Variants in ZSWIM6 observed in about 807,000 individuals in gnomAD.
ZSWIM6 encodes the protein zinc finger SWIM domain-containing protein 6.
Under a neutral mutation model 113.2 loss-of-function variants are expected in ZSWIM6, and 9 were observed. That is an observed-to-expected ratio of 0.08 (90% confidence interval 0.05 to 0.14). ZSWIM6 has a LOEUF of 0.14. Among genes scored for constraint, ZSWIM6 ranks in the 10% least tolerant of loss-of-function variants. The pLI, the probability that ZSWIM6 is intolerant of heterozygous loss-of-function variation, is 1.00. For missense variants in ZSWIM6, 1,162 were observed against 1,552.2 expected (o/e 0.75, Z 4.22); for synonymous variants, 611 against 606.5 (o/e 1.01, Z -0.11).
intron 1 of ZSWIM6, among the ~76,000 whole-genome samples, chr5:61,355,954 C>T (rs1744898392): frequency 6.6e-6 from 1 of 152,092 alleles, no homozygotes. Context: ...TCTCTAGGCC[C>T]TTTGGTCTCA....
At chr5:61,410,498 T>C (rs183309034) in intron 1 of ZSWIM6, among the ~76,000 whole-genome samples, 8 of 151,792 alleles carry the variant, frequency 5.3e-5, no homozygotes, top group Admixed American at 3.3e-4. Context: ...TTAGTAGAGA[T>C]GGGGTTTCAC....
chr5:61,500,811 A>G (rs1331988459), intron 4 of ZSWIM6, among the ~76,000 whole-genome samples: 1 of 152,048 alleles, frequency 6.6e-6, no homozygotes, highest in Admixed American at 6.6e-5. Flanking sequence ...TTTGTATCCC[A>G]TTTTCAGGTC....
chr5:61,386,908 C>T (rs560666755), intron 1 of ZSWIM6, among the ~76,000 whole-genome samples: 1 of 152,334 alleles, frequency 6.6e-6, no homozygotes, highest in African/African-American at 2.4e-5. Context: ...TCTTTATCCA[C>T]GTGCTCCTGC....
chr5:61,505,600 TACC>T (rs1748580338), intron 4 of ZSWIM6, among the ~76,000 whole-genome samples: 1 of 101,914 alleles, frequency 9.8e-6, no homozygotes, highest in African/African-American at 3.9e-5. Flanking sequence ...ATCTATGATT[TACC>T]TTCCTTCCTT....
At position 61,519,949 on chromosome 5, in the gene ZSWIM6, A is replaced by G. The variant is rs530338599; in HGVS notation, c.1334-1314A>G. On this transcript the variant is annotated intron_variant, in intron 4 of 13. Coordinates refer to ENST00000252744, the MANE Select transcript of ZSWIM6 (RefSeq NM_020928.2). Reference sequence around the variant, plus strand: ...ATTTCACAATAGTATTTGTGTTCCTATGAGAATCTAATGCCACCGCTGATC... The same window carrying G: ...ATTTCACAATAGTATTTGTGTTCCTGTGAGAATCTAATGCCACCGCTGATC... 9.9e-5 allele frequency among the ~76,000 whole-genome samples: 15 copies of G among 152,196 alleles called. 1 individual carries two copies. The highest frequency in any genetic ancestry group is 3.9e-4 in the Admixed American group (6 of 15,274).
chr5:61,357,144 A>G (rs1744931999), intron 1 of ZSWIM6, among the ~76,000 whole-genome samples: 1 of 152,122 alleles, frequency 6.6e-6, no homozygotes, highest in African/African-American at 2.4e-5. Context: ...ATTCCAGGTG[A>G]TTCTGATACG....
intron 4 of ZSWIM6, among the ~76,000 whole-genome samples, chr5:61,499,511 G>A (rs1168539979): frequency 6.6e-6 from 1 of 152,180 alleles, no homozygotes; most frequent in African/African-American, 2.4e-5. Context: ...AGCCAAGAAT[G>A]GATGAAGGAG....
intron 2 of ZSWIM6, among the ~76,000 whole-genome samples, chr5:61,477,301 G>A (rs977492925): frequency 9.9e-5 from 15 of 152,160 alleles, no homozygotes; most frequent in African/African-American, 4.8e-5. Flanking sequence ...CCTGAAAGTA[G>A]CCTAGACTTA....
intron 1 of ZSWIM6, among the ~76,000 whole-genome samples, chr5:61,382,579 G>C (rs1745507099): frequency 6.6e-6 from 1 of 152,132 alleles, no homozygotes; most frequent in African/African-American, 2.4e-5. Context: ...TGAGGCAGGT[G>C]GACCACCTGA....
intron 1 of ZSWIM6, among the ~76,000 whole-genome samples, chr5:61,362,258 G>T (rs894531925): frequency 1.3e-5 from 2 of 151,680 alleles, no homozygotes; most frequent in Non-Finnish European, 2.9e-5. Flanking sequence ...GAATGCAATG[G>T]CCCCATCTTG....
At chr5:61,382,689 C>T (rs1041175095) in intron 1 of ZSWIM6, among the ~76,000 whole-genome samples, 10 of 152,034 alleles carry the variant, frequency 6.6e-5, no homozygotes, top group African/African-American at 2.4e-4. Context: ...CTGGTAGTCC[C>T]AGCTACTCGG....
intron 1 of ZSWIM6, among the ~76,000 whole-genome samples, chr5:61,333,519 C>T (rs774757054): frequency 7.9e-5 from 12 of 152,002 alleles, no homozygotes; most frequent in Non-Finnish European, 1.6e-4. Context: ...CCTCCCAGGG[C>T]TCCGACGGGC....
At position 61,521,282 on chromosome 5, in the gene ZSWIM6, A is replaced by C; in HGVS notation, c.1353A>C (p.Ile451=). ...WDELGALWMC[I]VLNPHCKLEQ... Reference sequence around the variant, plus strand: ...AATTAGGTGCTCTGTGGATGTGTATAGTTTTAAACCCCCACTGCAAGTTGG... The same window carrying C: ...AATTAGGTGCTCTGTGGATGTGTATCGTTTTAAACCCCCACTGCAAGTTGG... Residue 451 remains isoleucine, a synonymous_variant, in exon 5 of 14, where the codon ATA becomes ATC. Coordinates refer to ENST00000252744, the MANE Select transcript of ZSWIM6 (RefSeq NM_020928.2). 1 of 1,474,350 alleles carries C rather than the reference A, an allele frequency of 6.8e-7. No homozygotes were observed. Among genetic ancestry groups the C allele is most frequent in the Non-Finnish European group, 9.0e-7 (1 of 1,107,658 alleles). The allele number at this position is 1,474,350 out of a possible 1,614,324, so 91.3% of individuals were successfully genotyped here.
chr5:61,356,604 C>G (rs1422136105), intron 1 of ZSWIM6, among the ~76,000 whole-genome samples: 1 of 148,004 alleles, frequency 6.8e-6, no homozygotes, highest in Non-Finnish European at 1.5e-5. Flanking sequence ...AGAGAAAACC[C>G]TCATTCCTTA....
chr5:61,516,915 T>C (rs1748961376), intron 4 of ZSWIM6, among the ~76,000 whole-genome samples: 3 of 152,134 alleles, frequency 2.0e-5, no homozygotes, highest in Non-Finnish European at 4.4e-5. Flanking sequence ...AATGATATTT[T>C]TGCTGGATAT....
At chr5:61,422,730 TC>T (rs901050929) in intron 1 of ZSWIM6, among the ~76,000 whole-genome samples, 49 of 152,320 alleles carry the variant, frequency 3.2e-4, no homozygotes, top group African/African-American at 1.2e-3. Flanking sequence ...GTGTGTGTCT[TC>T]TTTTATTTTT....
chr5:61,473,096 T>G, intron 2 of ZSWIM6, 59 bp downstream of exon 2: 2 of 1,097,874 alleles, frequency 1.8e-6, no homozygotes, highest in Non-Finnish European at 2.5e-6. Flanking sequence ...ACTTATAAAT[T>G]CAATTCTTCT....
chr5:61,457,088 A>G (rs1747219802), intron 1 of ZSWIM6, among the ~76,000 whole-genome samples: 1 of 149,332 alleles, frequency 6.7e-6, no homozygotes, highest in Non-Finnish European at 1.5e-5. Flanking sequence ...CCAGAGTGTG[A>G]TATTCCCCTT....
intron 1 of ZSWIM6, among the ~76,000 whole-genome samples, chr5:61,386,185 A>G (rs1217790209): frequency 6.6e-6 from 1 of 152,232 alleles, no homozygotes; most frequent in Non-Finnish European, 1.5e-5. Flanking sequence ...CCATACATTT[A>G]GAGTACTACA....
Sources: gnomAD v4.1 joint callset for allele counts (sites outside exome capture counted in the v4.1 genomes callset) on GRCh38, gnomAD v4.1.1 for gene constraint, MANE v1.5 for transcripts, NCBI Gene and HGNC (gene_info 2026-07-23, HGNC 2026-07-21) for gene names.